Variants in CECR2 observed in about 807,000 individuals in gnomAD.
CECR2 encodes chromatin remodeling regulator CECR2.
In CECR2, 30 loss-of-function variants were observed where a neutral mutation model predicts 154.5. The ratio of observed to expected loss-of-function variants is 0.19; its 90% CI spans 0.15 to 0.26. The LOEUF (loss-of-function observed/expected upper bound fraction) is 0.26, where lower values mean the gene tolerates loss of function less well. Among genes scored for constraint, CECR2 ranks in the 10% least tolerant of loss-of-function variants. The pLI is 1.00. For missense variants in CECR2, 1,743 were observed against 1,829.3 expected (o/e 0.95, Z 0.86); for synonymous variants, 725 against 683.7 (o/e 1.06, Z -0.94).
At chr22:17,439,564 C>G (rs2054554084) in intron 1 of CECR2, among the ~76,000 whole-genome samples, 1 of 152,064 alleles carries the variant, frequency 6.6e-6, no homozygotes, top group Non-Finnish European at 1.5e-5. Context: ...CTGAAAAGAT[C>G]TGACTGGCAA....
intron 1 of CECR2, among the ~76,000 whole-genome samples, chr22:17,473,130 G>A (rs546196056): frequency 3.9e-5 from 6 of 152,118 alleles, no homozygotes; most frequent in South Asian, 2.1e-4. Flanking sequence ...CTGCAAAGGC[G>A]GCAAATCCTG....
intron 9 of CECR2, among the ~76,000 whole-genome samples, chr22:17,525,799 C>G (rs2056255156): frequency 6.6e-6 from 1 of 151,940 alleles, no homozygotes; most frequent in African/African-American, 2.4e-5. Context: ...TAATAGGGTC[C>G]TTATTGGGTA....
At chr22:17,552,662 T>C (rs2056725304) in intron 18 of CECR2, among the ~76,000 whole-genome samples, 173 bp from the exon 19 acceptor site, 1 of 152,024 alleles carries the variant, frequency 6.6e-6, no homozygotes, top group African/African-American at 2.4e-5. Flanking sequence ...GGGATCTGAA[T>C]TGAGAAGTCC....
chr22:17,430,825 G>A (rs545181210), intron 1 of CECR2, among the ~76,000 whole-genome samples: 1 of 151,968 alleles, frequency 6.6e-6, no homozygotes, highest in African/African-American at 2.4e-5. Flanking sequence ...AATTGCATTG[G>A]CTACGTAAGT....
intron 1 of CECR2, among the ~76,000 whole-genome samples, chr22:17,448,026 A>C (rs1331516495): frequency 6.6e-6 from 1 of 152,142 alleles, no homozygotes; most frequent in Non-Finnish European, 1.5e-5. Flanking sequence ...TTTTTTAGAG[A>C]GTTTTAAGGA....
At chr22:17,441,838 T>G (rs1245023708) in intron 1 of CECR2, among the ~76,000 whole-genome samples, 1 of 152,248 alleles carries the variant, frequency 6.6e-6, no homozygotes, top group Non-Finnish European at 1.5e-5. Context: ...GATTAAGATG[T>G]ATAACTCACC....
intron 1 of CECR2, among the ~76,000 whole-genome samples, chr22:17,376,485 TG>T (rs896498722): frequency 1.1e-4 from 16 of 146,174 alleles, no homozygotes; most frequent in African/African-American, 4.3e-4. Flanking sequence ...CATGGTGTGC[TG>T]GGGCTCGCAC....
rs551830696 is a variant in CECR2 at position 17,489,737 on chromosome 22, C to T, written c.222-7666C>T. 7.4e-4 allele frequency among the ~76,000 whole-genome samples: 113 copies of T among 152,292 alleles called. 1 individual carries two copies. The highest frequency in any genetic ancestry group is 2.6e-3 in the African/African-American group (109 of 41,578). On this transcript the variant is annotated intron_variant, in intron 2 of 18. Coordinates refer to ENST00000262608, the MANE Select transcript of CECR2 (RefSeq NM_001290047.2). ...CCTCCCAAAGTGCTGGAATTACAGG[C>T]GTGAGCAGCCATTCCAGGCCTTATC...
intron 2 of CECR2, among the ~76,000 whole-genome samples, chr22:17,478,639 G>A (rs555253556): frequency 1.3e-5 from 2 of 152,296 alleles, no homozygotes; most frequent in South Asian, 2.1e-4. Flanking sequence ...ACAGGCGTGA[G>A]CCACCGCGCC....
At chr22:17,378,074 C>CG (rs1481703440) in intron 1 of CECR2, among the ~76,000 whole-genome samples, 95 of 151,892 alleles carry the variant, frequency 6.3e-4, no homozygotes, top group Middle Eastern at 6.8e-3. Context: ...ACCTCCGCCC[C>CG]CCGGGTTCAC....
chr22:17,524,058 G>A (rs138380189), intron 8 of CECR2, 60 bp from the exon 9 acceptor site: 3 of 1,315,122 alleles, frequency 2.3e-6, no homozygotes, highest in East Asian at 2.5e-5. Flanking sequence ...TGAACTGAGA[G>A]CAAAGAGCTT....
At chr22:17,447,059 G>A (rs2054681983) in intron 1 of CECR2, among the ~76,000 whole-genome samples, 1 of 79,760 alleles carries the variant, frequency 1.3e-5, no homozygotes, top group African/African-American at 9.8e-5. Flanking sequence ...TTTTGAGACA[G>A]AGTCTCGCTG....
chr22:17,435,191 TTTTC>T (rs201386773), intron 1 of CECR2, among the ~76,000 whole-genome samples: 24 of 151,894 alleles, frequency 1.6e-4, no homozygotes, highest in Admixed American at 7.2e-4. Context: ...CTCCAAAGTT[TTTTC>T]TTTCTTTCTT....
At chr22:17,522,893 T>A (rs1279964550) in intron 8 of CECR2, among the ~76,000 whole-genome samples, 1 of 151,600 alleles carries the variant, frequency 6.6e-6, no homozygotes, top group African/African-American at 2.4e-5. Context: ...TAATCTCAGC[T>A]ACTCGAGAGG....
rs188119133 is a variant in CECR2, at chr22:17,411,118, C to T, written c.126+41209C>T. 6.6e-4 allele frequency among the ~76,000 whole-genome samples: 100 copies of T among 152,110 alleles called. 1 individual carries two copies. In the Middle Eastern group the frequency reaches 0.02, roughly 31 times the overall value. On this transcript the variant is annotated intron_variant, in intron 1 of 18. Coordinates refer to ENST00000262608, the MANE Select transcript of CECR2 (RefSeq NM_001290047.2). Reference sequence around the variant, plus strand: ...TCTAAAGTTCTTTGTCATGACTGGCCGTGTATTATATTATGCTCTTTTAGT... The same window carrying T: ...TCTAAAGTTCTTTGTCATGACTGGCTGTGTATTATATTATGCTCTTTTAGT...
intron 1 of CECR2, among the ~76,000 whole-genome samples, chr22:17,447,245 T>A (rs991060358): frequency 6.6e-6 from 1 of 150,410 alleles, no homozygotes; most frequent in Non-Finnish European, 1.5e-5. Context: ...CTCCGCCTCC[T>A]GGGTTCTCGC....
chr22:17,389,488 CT>C (rs1466535155), intron 1 of CECR2, among the ~76,000 whole-genome samples: 1 of 151,832 alleles, frequency 6.6e-6, no homozygotes, highest in Non-Finnish European at 1.5e-5. Flanking sequence ...TTGTTTTTTT[CT>C]TTTGAGGTGG....
At chr22:17,544,809 CAAAAAAAAAAAA>C (rs67994839) in intron 16 of CECR2, among the ~76,000 whole-genome samples, 2 of 45,620 alleles carry the variant, frequency 4.4e-5, no homozygotes, top group Admixed American at 3.5e-4. Flanking sequence ...GACTCTGTCT[CAAAAAAAAAAAA>C]AAAAAAAAAA....
chr22:17,432,406 G>A (rs1040410284), intron 1 of CECR2, among the ~76,000 whole-genome samples: 3 of 152,090 alleles, frequency 2.0e-5, no homozygotes, highest in African/African-American at 7.2e-5. Context: ...TCTACTTTTT[G>A]GTTATTATCC....
Sources: gnomAD v4.1 joint callset for allele counts (sites outside exome capture counted in the v4.1 genomes callset) on GRCh38, gnomAD v4.1.1 for gene constraint, MANE v1.5 for transcripts, NCBI Gene and HGNC (gene_info 2026-07-23, HGNC 2026-07-21) for gene names.